The following FBXO34 variants were observed in gnomAD, a reference collection of about 807,000 sequenced individuals.
The protein encoded by FBXO34 is F-box protein 34.
A neutral mutation model predicts 24.5 loss-of-function variants in FBXO34; 12 were observed. The ratio of observed to expected loss-of-function variants is 0.49; its 90% CI spans 0.31 to 0.79. FBXO34 has a LOEUF of 0.79. Among genes scored for constraint, FBXO34 ranks in the 30% least tolerant of loss-of-function variants. FBXO34 has a pLI of 0.04. For synonymous variants in FBXO34, 320 were observed against 311.9 expected (o/e 1.03, Z -0.27); for missense variants, 823 against 857.7 (o/e 0.96, Z 0.51).
At chr14:55,411,178 T>C in the FBXO34 span, among the ~76,000 whole-genome samples, 7 of 152,374 alleles carry the variant, frequency 4.6e-5, no homozygotes, top group African/African-American at 1.4e-4. Flanking sequence ...CTAAAGCAGT[T>C]ATTTGATTCT....
At chr14:55,433,630 C>CT in the FBXO34 span, 1 of 1,613,658 alleles carries the variant, frequency 6.2e-7, no homozygotes, top group Non-Finnish European at 8.5e-7. Context: ...TTCCTCATAC[C>CT]TTTTGGCTCC....
At chr14:55,364,769 T>TC (rs1884644221), downstream of FBXO34, among the ~76,000 whole-genome samples, 2 of 147,332 alleles carry the variant, frequency 1.4e-5, no homozygotes, top group South Asian at 4.4e-4. Flanking sequence ...TCTCACTCTG[T>TC]CACCCAGGCT....
the FBXO34 span, among the ~76,000 whole-genome samples, chr14:55,442,858 G>T: frequency 6.6e-6 from 1 of 152,094 alleles, no homozygotes; most frequent in Non-Finnish European, 1.5e-5. Context: ...GTCCTCACAA[G>T]AAGATGAAAT....
chr14:55,426,885 T>C, the FBXO34 span, among the ~76,000 whole-genome samples: 6 of 152,192 alleles, frequency 3.9e-5, no homozygotes, highest in Admixed American at 2.6e-4. Flanking sequence ...TAGACTTAGA[T>C]CTGCTCTGCA....
the FBXO34 span, among the ~76,000 whole-genome samples, chr14:55,421,587 C>G: frequency 2.0e-5 from 3 of 152,144 alleles, no homozygotes; most frequent in Non-Finnish European, 2.9e-5. Flanking sequence ...CCTCAGCCTC[C>G]CAAGTAGCTG....
At chr14:55,442,388 CAA>C in the FBXO34 span, among the ~76,000 whole-genome samples, 82,062 of 138,112 alleles carry the variant, frequency 0.59, 23,014 homozygotes, top group Admixed American at 0.68. Flanking sequence ...GACTCTGTCT[CAA>C]AAAAAAAAAA....
At chr14:55,317,766 C>T (rs1882984478) in intron 1 of FBXO34, among the ~76,000 whole-genome samples, 1 of 152,176 alleles carries the variant, frequency 6.6e-6, no homozygotes. Context: ...AGCTGGTAAA[C>T]ATTTACCAAC....
chr14:55,397,396 C>T, the FBXO34 span: 1 of 1,613,694 alleles, frequency 6.2e-7, no homozygotes, highest in Admixed American at 1.7e-5. Flanking sequence ...TTCTTGCTTG[C>T]TCTTAAGTCG....
At chr14:55,441,211 C>T in the FBXO34 span, among the ~76,000 whole-genome samples, 2 of 151,974 alleles carry the variant, frequency 1.3e-5, no homozygotes, top group African/African-American at 4.8e-5. Flanking sequence ...CGGTGACAGG[C>T]GACCATAGCT....
At chr14:55,424,550 A>C in the FBXO34 span, among the ~76,000 whole-genome samples, 1 of 152,210 alleles carries the variant, frequency 6.6e-6, no homozygotes, top group Non-Finnish European at 1.5e-5. Flanking sequence ...CTTGTTGGTT[A>C]AACATCCTCT....
At chr14:55,359,903 G>A (rs570599723) in intron 3 of FBXO34, among the ~76,000 whole-genome samples, 1 of 139,716 alleles carries the variant, frequency 7.2e-6, no homozygotes, top group African/African-American at 2.7e-5. Flanking sequence ...AACATAGGGA[G>A]ACCTTGTGCC....
At chr14:55,365,308 C>T (rs1365944522), downstream of FBXO34, among the ~76,000 whole-genome samples, 2 of 151,858 alleles carry the variant, frequency 1.3e-5, no homozygotes, top group African/African-American at 4.8e-5. Context: ...AAACAATCCT[C>T]CTGCCTTTGG....
the FBXO34 span, among the ~76,000 whole-genome samples, chr14:55,406,011 CT>C: frequency 3.9e-5 from 6 of 152,230 alleles, no homozygotes; most frequent in African/African-American, 1.4e-4. Context: ...GTAGGGAAGT[CT>C]TCCCATCGAA....
chr14:55,291,788 T>G (rs147755927), intron 1 of FBXO34, among the ~76,000 whole-genome samples: 3 of 151,814 alleles, frequency 2.0e-5, no homozygotes, highest in Non-Finnish European at 4.4e-5. Flanking sequence ...CTAGGCAACA[T>G]AGGGAGACCC....
At chr14:55,367,065 C>T (rs1379485202) in intron 2 of FBXO34, 1 of 152,624 alleles carries the variant, frequency 6.6e-6, no homozygotes, top group Non-Finnish European at 1.5e-5. Flanking sequence ...AAAATATATC[C>T]TATCCATAAA....
At chr14:55,385,535 C>T in the FBXO34 span, among the ~76,000 whole-genome samples, 1 of 152,176 alleles carries the variant, frequency 6.6e-6, no homozygotes, top group Non-Finnish European at 1.5e-5. Flanking sequence ...TCAGGTGATT[C>T]GCCTGCCTCG....
At chr14:55,438,389 C>T in the FBXO34 span, among the ~76,000 whole-genome samples, 1 of 152,180 alleles carries the variant, frequency 6.6e-6, no homozygotes, top group Non-Finnish European at 1.5e-5. Context: ...ACATGATACG[C>T]TCCCATCTTT....
the FBXO34 span, among the ~76,000 whole-genome samples, chr14:55,434,291 G>A: frequency 6.6e-6 from 1 of 152,172 alleles, no homozygotes; most frequent in African/African-American, 2.4e-5. Context: ...AGTTCTCAAA[G>A]TGTCATTCAA....
chr14:55,325,626 C>G (rs1883314491), intron 1 of FBXO34, among the ~76,000 whole-genome samples: 1 of 152,120 alleles, frequency 6.6e-6, no homozygotes, highest in African/African-American at 2.4e-5. Context: ...CAGGCATGTG[C>G]CACCACGCCC....
Sources: gnomAD v4.1 joint callset for allele counts (sites outside exome capture counted in the v4.1 genomes callset) on GRCh38, gnomAD v4.1.1 for gene constraint, MANE v1.5 for transcripts, NCBI Gene and HGNC (gene_info 2026-07-23, HGNC 2026-07-21) for gene names.